FBXL17: variants seen among roughly 807,000 people sequenced by gnomAD.
The protein encoded by FBXL17 is F-box/LRR-repeat protein 17.
In FBXL17, 22 loss-of-function variants were observed where a neutral mutation model predicts 66.2. That is an observed-to-expected ratio of 0.33 (90% confidence interval 0.24 to 0.47). The LOEUF (loss-of-function observed/expected upper bound fraction) is 0.47. Among genes scored for constraint, FBXL17 ranks in the 20% least tolerant of loss-of-function variants. FBXL17 has a pLI of 1.00. For missense variants in FBXL17, 878 were observed against 948.2 expected (o/e 0.93, Z 0.97); for synonymous variants, 474 against 400.5 (o/e 1.18, Z -2.19).
intron 3 of FBXL17, among the ~76,000 whole-genome samples, chr5:108,359,798 C>T (rs1294310554): frequency 1.3e-5 from 2 of 152,080 alleles, no homozygotes; most frequent in Admixed American, 6.6e-5. Context: ...TACATATCTG[C>T]TAGGTGCAGT....
intron 6 of FBXL17, among the ~76,000 whole-genome samples, chr5:108,183,135 G>A (rs1182728726): frequency 6.7e-6 from 1 of 149,736 alleles, no homozygotes; most frequent in African/African-American, 2.5e-5. Flanking sequence ...CTGCCTCCCA[G>A]GTTCAAGTGA....
chr5:108,296,419 T>A (rs1758352955), intron 4 of FBXL17, among the ~76,000 whole-genome samples: 2 of 151,902 alleles, frequency 1.3e-5, no homozygotes, highest in Admixed American at 1.3e-4. Flanking sequence ...TCTTTCGGCC[T>A]TATTTATAAC....
intron 4 of FBXL17, among the ~76,000 whole-genome samples, chr5:108,335,307 G>A (rs1471409805): frequency 5.1e-5 from 7 of 138,138 alleles, no homozygotes; most frequent in East Asian, 4.3e-4. Context: ...CAGGCTTAGA[G>A]GATAGTATGA....
intron 7 of FBXL17, among the ~76,000 whole-genome samples, chr5:107,902,392 T>C (rs2112534045): frequency 6.6e-6 from 1 of 152,304 alleles, no homozygotes; most frequent in East Asian, 1.9e-4. Context: ...CAATACATCA[T>C]CACAGCAGGT....
chr5:107,933,025 A>C (rs1750783109), intron 7 of FBXL17, among the ~76,000 whole-genome samples: 1 of 152,200 alleles, frequency 6.6e-6, no homozygotes, highest in Admixed American at 6.5e-5. Flanking sequence ...TGAAGGCAGC[A>C]GTAAGGAAAG....
intron 4 of FBXL17, chr5:108,299,729 T>C: frequency 1.0e-6 from 1 of 984,960 alleles, no homozygotes; most frequent in Non-Finnish European, 1.2e-6. Context: ...CCTAGGTAAG[T>C]TATCCACTCT....
intron 7 of FBXL17, among the ~76,000 whole-genome samples, chr5:107,887,905 A>G (rs1245771193): frequency 6.6e-6 from 1 of 152,218 alleles, no homozygotes; most frequent in Non-Finnish European, 1.5e-5. Context: ...AAGTCAGTCA[A>G]GTGAAAACAA....
chr5:108,069,068 C>G (rs1369940313), intron 6 of FBXL17, among the ~76,000 whole-genome samples: 1 of 152,146 alleles, frequency 6.6e-6, no homozygotes, highest in Non-Finnish European at 1.5e-5. Context: ...CACTTTCACA[C>G]ACATACACAC....
At chr5:108,235,412 C>T (rs1337251758) in intron 4 of FBXL17, among the ~76,000 whole-genome samples, 3 of 152,150 alleles carry the variant, frequency 2.0e-5, no homozygotes, top group South Asian at 4.1e-4. Context: ...CTAGAATATA[C>T]ATTGTGGTTA....
At chr5:108,106,975 TG>T (rs950665878) in intron 6 of FBXL17, among the ~76,000 whole-genome samples, 1 of 152,102 alleles carries the variant, frequency 6.6e-6, no homozygotes. Context: ...TTTAAAGAGG[TG>T]AAAAAAATTA....
At chr5:107,979,131 T>C (rs1028319320) in intron 7 of FBXL17, among the ~76,000 whole-genome samples, 1 of 152,210 alleles carries the variant, frequency 6.6e-6, no homozygotes, top group Non-Finnish European at 1.5e-5. Flanking sequence ...CTCTATAAAC[T>C]TTATGTATAA....
At chr5:108,079,574 T>C (rs1370902327) in intron 6 of FBXL17, among the ~76,000 whole-genome samples, 5 of 152,150 alleles carry the variant, frequency 3.3e-5, no homozygotes, top group South Asian at 2.1e-4. Context: ...AGAAGAAGTA[T>C]TGGAGAAAAA....
chr5:108,154,471 T>TC (rs1469219677), intron 6 of FBXL17, among the ~76,000 whole-genome samples: 1 of 149,398 alleles, frequency 6.7e-6, no homozygotes, highest in Non-Finnish European at 1.5e-5. Flanking sequence ...ATGCCTGTAA[T>TC]CCCAGCTACT....
chr5:108,166,259 T>C (rs1752410922), intron 6 of FBXL17, among the ~76,000 whole-genome samples: 1 of 152,192 alleles, frequency 6.6e-6, no homozygotes, highest in Non-Finnish European at 1.5e-5. Flanking sequence ...GCATTTTACC[T>C]GCATGCATGG....
chr5:108,255,857 C>A (rs759244554), intron 4 of FBXL17, among the ~76,000 whole-genome samples: 4 of 152,110 alleles, frequency 2.6e-5, no homozygotes, highest in Non-Finnish European at 5.9e-5. Context: ...TTTGTTCCTG[C>A]CAATTGAATT....
At chr5:108,124,466 A>G (rs1020373647) in intron 6 of FBXL17, among the ~76,000 whole-genome samples, 4 of 152,070 alleles carry the variant, frequency 2.6e-5, no homozygotes, top group Admixed American at 2.6e-4. Context: ...TTAAAATTCT[A>G]AAACTCCAAA....
intron 5 of FBXL17, among the ~76,000 whole-genome samples, chr5:108,212,731 C>T (rs1754431166): frequency 6.6e-6 from 1 of 152,178 alleles, no homozygotes; most frequent in Non-Finnish European, 1.5e-5. Context: ...CAGAGCTCTC[C>T]TGTGTGAGAT....
intron 5 of FBXL17, among the ~76,000 whole-genome samples, chr5:108,209,771 C>CT (rs1561465967): frequency 6.6e-6 from 1 of 152,036 alleles, no homozygotes; most frequent in Non-Finnish European, 1.5e-5. Flanking sequence ...CTAAAATTTT[C>CT]TTTTTTTATT....
intron 6 of FBXL17, among the ~76,000 whole-genome samples, chr5:108,033,638 G>A (rs913895446): frequency 6.6e-6 from 1 of 152,130 alleles, no homozygotes; most frequent in East Asian, 1.9e-4. Flanking sequence ...AGTATTAGTA[G>A]TACACACGTA....
Sources: gnomAD v4.1 joint callset for allele counts (sites outside exome capture counted in the v4.1 genomes callset) on GRCh38, gnomAD v4.1.1 for gene constraint, MANE v1.5 for transcripts, NCBI Gene and HGNC (gene_info 2026-07-23, HGNC 2026-07-21) for gene names.